The following EML4 variants were observed in gnomAD, a reference collection of about 807,000 sequenced individuals.
The protein encoded by EML4 is EMAP like 4, also known as echinoderm microtubule-associated protein-like 4.
EML4 carries 72 observed loss-of-function variants against 129.0 expected under a neutral mutation model. The observed-to-expected ratio is 0.56, with a 90% CI of 0.46 to 0.68. The LOEUF (loss-of-function observed/expected upper bound fraction) is 0.68, where lower values mean the gene tolerates loss of function less well. Among genes scored for constraint, EML4 ranks in the 30% least tolerant of loss-of-function variants. EML4 has a pLI of 0.00. For missense variants in EML4, 1,363 were observed against 1,190.6 expected, an observed-to-expected ratio of 1.14 and a Z score of -2.13; for synonymous variants, 532 against 405.0, an observed-to-expected ratio of 1.31 and a Z score of -3.77.
intron 11 of EML4, among the ~76,000 whole-genome samples, chr2:42,290,747 A>G (rs1667593941): frequency 6.6e-6 from 1 of 152,262 alleles, no homozygotes; most frequent in East Asian, 1.9e-4. Context: ...AATTTTTTTT[A>G]ATTTTCAAAA....
At chr2:42,219,326 A>C (rs1035162939) in intron 1 of EML4, among the ~76,000 whole-genome samples, 1 of 152,092 alleles carries the variant, frequency 6.6e-6, no homozygotes, top group African/African-American at 2.4e-5. Flanking sequence ...CAGAGGCCTC[A>C]GTTTTTGTAT....
At chr2:42,289,006 T>C (rs1486433691) in intron 11 of EML4, 1 of 152,228 alleles carries the variant, frequency 6.6e-6, no homozygotes, top group African/African-American at 2.4e-5. Flanking sequence ...TAACATCACA[T>C]TACTCTCCAA....
In EML4 at chr2:42,331,130, A is replaced by G. The variant is rs974198702; in HGVS notation, c.*923A>G. 4 of 218,506 alleles carry G rather than the reference A, an allele frequency of 1.8e-5. No individual in the cohort carries two copies. The highest frequency in any genetic ancestry group is 9.0e-5 in the African/African-American group (4 of 44,562). 13.5% of individuals were successfully genotyped at this position (218,506 alleles called of 1,614,324 possible). ...GTTCCCTCAGTAATAGGAGAAATAT[A>G]AATACAGTAAGTTTAGATTATTGAA... On this transcript the variant is annotated 3_prime_UTR_variant, in exon 23 of 23. Coordinates refer to ENST00000318522, the MANE Select transcript of EML4 (RefSeq NM_019063.5).
At chr2:42,285,133 T>A (rs1485469391) in intron 9 of EML4, among the ~76,000 whole-genome samples, 1 of 152,014 alleles carries the variant, frequency 6.6e-6, no homozygotes, top group Non-Finnish European at 1.5e-5. Flanking sequence ...GGGCTCAAAC[T>A]CCTGGGCTCA....
At chr2:42,325,290 G>T (rs1481434758) in intron 19 of EML4, 177 bp from the exon 20 acceptor site, 1 of 631,924 alleles carries the variant, frequency 1.6e-6, no homozygotes, top group East Asian at 3.5e-5. Context: ...GTTTCTCCCA[G>T]GTTTCAAGTG....
At chr2:42,254,888 A>G (rs914130456) in intron 2 of EML4, among the ~76,000 whole-genome samples, 3 of 152,210 alleles carry the variant, frequency 2.0e-5, no homozygotes, top group African/African-American at 7.2e-5. Context: ...AACAATCCAG[A>G]TGATCATCAA....
chr2:42,304,572 G>C (rs1421916636), intron 17 of EML4, 21 bp downstream of exon 17: 1 of 1,581,594 alleles, frequency 6.3e-7, no homozygotes, highest in African/African-American at 1.3e-5. Flanking sequence ...TAAGTGAACT[G>C]AGTAATCTGA....
intron 6 of EML4, among the ~76,000 whole-genome samples, chr2:42,268,740 C>A (rs1042998798): frequency 6.6e-6 from 1 of 152,162 alleles, no homozygotes. Context: ...ACCTGGCCTA[C>A]ATTTTTTAGA....
At chr2:42,184,052 G>C (rs1028100718) in intron 1 of EML4, among the ~76,000 whole-genome samples, 2 of 152,106 alleles carry the variant, frequency 1.3e-5, no homozygotes, top group Non-Finnish European at 2.9e-5. Context: ...CTGAAGTGTT[G>C]TTTAGTAGTA....
chr2:42,233,837 G>A (rs1247819507), intron 1 of EML4, among the ~76,000 whole-genome samples: 1 of 152,014 alleles, frequency 6.6e-6, no homozygotes, highest in African/African-American at 2.4e-5. Context: ...TAAAACAAAA[G>A]GAAAAAGGAA....
chr2:42,201,652 G>A (rs761556511), intron 1 of EML4, among the ~76,000 whole-genome samples: 1 of 152,180 alleles, frequency 6.6e-6, no homozygotes, highest in African/African-American at 2.4e-5. Context: ...GCCTTGGAAA[G>A]GGGGAAAGCC....
intron 1 of EML4, among the ~76,000 whole-genome samples, chr2:42,180,509 A>G (rs997158670): frequency 2.0e-5 from 3 of 152,220 alleles, no homozygotes; most frequent in South Asian, 2.1e-4. Flanking sequence ...CCTACCTTAC[A>G]TGCAGCTTGT....
intron 19 of EML4, among the ~76,000 whole-genome samples, chr2:42,320,710 T>C (rs879137637): frequency 1.3e-5 from 2 of 152,200 alleles, no homozygotes; most frequent in African/African-American, 2.4e-5. Flanking sequence ...CTAAAGTTTC[T>C]ACTCAGTTTT....
intron 9 of EML4, among the ~76,000 whole-genome samples, chr2:42,285,146 T>G (rs1055376057): frequency 1.3e-5 from 2 of 152,072 alleles, no homozygotes; most frequent in African/African-American, 2.4e-5. Flanking sequence ...TGGGCTCAAG[T>G]GATCCTCCAG....
At chr2:42,176,744 T>G (rs1250933352) in intron 1 of EML4, among the ~76,000 whole-genome samples, 1 of 152,208 alleles carries the variant, frequency 6.6e-6, no homozygotes, top group Non-Finnish European at 1.5e-5. Context: ...TTATTACAGA[T>G]CTTACAATTG....
chr2:42,280,446 C>T (rs538152766), intron 6 of EML4, among the ~76,000 whole-genome samples: 1 of 152,172 alleles, frequency 6.6e-6, no homozygotes, highest in Non-Finnish European at 1.5e-5. Context: ...TTCAGCCAAC[C>T]ATGGGTTGAA....
At chr2:42,265,950 C>T (rs1031902627) in intron 6 of EML4, among the ~76,000 whole-genome samples, 6 of 152,182 alleles carry the variant, frequency 3.9e-5, no homozygotes, top group African/African-American at 9.7e-5. Flanking sequence ...TTTAGATTGC[C>T]TGCAAATTTA....
intron 19 of EML4, among the ~76,000 whole-genome samples, chr2:42,320,163 T>C (rs1334382628): frequency 6.6e-6 from 1 of 152,036 alleles, no homozygotes; most frequent in Admixed American, 6.6e-5. Flanking sequence ...AATGATGACA[T>C]CATTATAGTC....
At chr2:42,281,066 A>G in intron 7 of EML4, 93 bp downstream of exon 7, 1 of 974,460 alleles carries the variant, frequency 1.0e-6, no homozygotes, top group African/African-American at 1.7e-5. Context: ...TCTTTATACA[A>G]AAAAAAAAAG....
Sources: gnomAD v4.1 joint callset for allele counts (sites outside exome capture counted in the v4.1 genomes callset) on GRCh38, gnomAD v4.1.1 for gene constraint, MANE v1.5 for transcripts, NCBI Gene and HGNC (gene_info 2026-07-23, HGNC 2026-07-21) for gene names.